The following SDK1 variants were observed in gnomAD, a reference collection of about 807,000 sequenced individuals.
The protein encoded by SDK1 is sidekick cell adhesion molecule 1, also known as protein sidekick-1.
A neutral mutation model predicts 245.5 loss-of-function variants in SDK1; 157 were observed. The observed-to-expected ratio is 0.64, with a 90% CI of 0.56 to 0.73. The LOEUF (loss-of-function observed/expected upper bound fraction) is 0.73. Among genes scored for constraint, SDK1 ranks in the 30% least tolerant of loss-of-function variants. SDK1 has a pLI of 0.00. For missense variants in SDK1, 3,583 were observed against 3,002.3 expected, an observed-to-expected ratio of 1.19 and a Z score of -4.52; for synonymous variants, 1,647 against 1,278.5, an observed-to-expected ratio of 1.29 and a Z score of -6.15.
intron 4 of SDK1, among the ~76,000 whole-genome samples, chr7:3,714,963 T>A (rs1434356020): frequency 6.6e-6 from 1 of 152,192 alleles, no homozygotes; most frequent in Non-Finnish European, 1.5e-5. Flanking sequence ...ATATTTTAAG[T>A]TGTGATTCAA....
intron 1 of SDK1, among the ~76,000 whole-genome samples, chr7:3,479,488 T>G (rs7804059): frequency 3.4e-5 from 5 of 149,224 alleles, no homozygotes; most frequent in Non-Finnish European, 7.4e-5. Context: ...TCTAAAAATA[T>G]CTGTTAATCA....
intron 2 of SDK1, among the ~76,000 whole-genome samples, chr7:3,625,174 TA>T (rs888165850): frequency 6.6e-6 from 1 of 151,904 alleles, no homozygotes; most frequent in African/African-American, 2.4e-5. Flanking sequence ...CAATTAAATA[TA>T]AAAAAATGGA....
At chr7:3,487,165 C>T (rs921838673) in intron 1 of SDK1, among the ~76,000 whole-genome samples, 16 of 152,166 alleles carry the variant, frequency 1.1e-4, no homozygotes, top group Admixed American at 9.8e-4. Context: ...GCCCACTGGT[C>T]TTAGTGTGCC....
intron 5 of SDK1, among the ~76,000 whole-genome samples, chr7:3,928,893 G>C (rs985276382): frequency 6.6e-6 from 1 of 152,228 alleles, no homozygotes; most frequent in African/African-American, 2.4e-5. Context: ...TCATGCCCAG[G>C]TGGGGAAACC....
intron 22 of SDK1, among the ~76,000 whole-genome samples, chr7:4,089,558 C>G (rs1781658356): frequency 6.6e-6 from 1 of 152,158 alleles, no homozygotes; most frequent in Non-Finnish European, 1.5e-5. Context: ...GTGGGCTTGC[C>G]CCTTCCCCAG....
chr7:3,868,972 AT>A (rs1780889492), intron 5 of SDK1, among the ~76,000 whole-genome samples: 1 of 152,184 alleles, frequency 6.6e-6, no homozygotes, highest in South Asian at 2.1e-4. Context: ...GAAGGCAGTA[AT>A]ACAAAAGGGA....
intron 4 of SDK1, among the ~76,000 whole-genome samples, chr7:3,645,312 A>G (rs1782794177): frequency 6.6e-6 from 1 of 152,216 alleles, no homozygotes; most frequent in Non-Finnish European, 1.5e-5. Flanking sequence ...ATAATGCAGT[A>G]TACCATTTTT....
chr7:4,024,752 C>G (rs867770886), intron 17 of SDK1, among the ~76,000 whole-genome samples: 2 of 152,180 alleles, frequency 1.3e-5, no homozygotes, highest in African/African-American at 4.8e-5. Flanking sequence ...TGAGAAATGC[C>G]GGAGCCGAAA....
chr7:3,540,489 C>T (rs2091747), intron 1 of SDK1, among the ~76,000 whole-genome samples: 3,855 of 152,230 alleles, frequency 0.025, 136 homozygotes, highest in African/African-American at 0.08. Flanking sequence ...TTCAACAAGA[C>T]TGAAAAGGCG....
At chr7:3,647,763 T>C (rs947956014) in intron 4 of SDK1, among the ~76,000 whole-genome samples, 11 of 152,124 alleles carry the variant, frequency 7.2e-5, no homozygotes, top group African/African-American at 2.7e-4. Context: ...GTTTTTGTTT[T>C]TCTACCTACA....
At chr7:4,066,367 G>T (rs1779899257) in intron 19 of SDK1, among the ~76,000 whole-genome samples, 1 of 152,188 alleles carries the variant, frequency 6.6e-6, no homozygotes, top group South Asian at 2.1e-4. Flanking sequence ...GGCACTTTCA[G>T]GCACCGCACA....
chr7:3,790,144 A>G (rs1236922112), intron 4 of SDK1, among the ~76,000 whole-genome samples: 1 of 152,132 alleles, frequency 6.6e-6, no homozygotes, highest in Non-Finnish European at 1.5e-5. Flanking sequence ...TGGTGGGGCC[A>G]CTATCCTATT....
At chr7:3,753,005 G>A (rs1204635273) in intron 4 of SDK1, among the ~76,000 whole-genome samples, 1 of 152,054 alleles carries the variant, frequency 6.6e-6, no homozygotes, top group East Asian at 1.9e-4. Context: ...AAGATAAAGG[G>A]TAGCCCACGT....
At chr7:3,830,770 T>G (rs1028140417) in intron 5 of SDK1, among the ~76,000 whole-genome samples, 1 of 152,206 alleles carries the variant, frequency 6.6e-6, no homozygotes, top group African/African-American at 2.4e-5. Context: ...GTGCTGGGAT[T>G]ACAAGAGTGA....
At chr7:4,166,703 G>A (rs761912476) in intron 32 of SDK1, among the ~76,000 whole-genome samples, 1 of 152,220 alleles carries the variant, frequency 6.6e-6, no homozygotes, top group East Asian at 1.9e-4. Context: ...CCGGCCCGGG[G>A]GACCACGGTG....
intron 1 of SDK1, among the ~76,000 whole-genome samples, chr7:3,492,019 T>C (rs1781878016): frequency 1.3e-5 from 2 of 152,228 alleles, no homozygotes; most frequent in East Asian, 1.9e-4. Context: ...CCAATTTACA[T>C]TGACTTCCTG....
intron 1 of SDK1, among the ~76,000 whole-genome samples, chr7:3,456,112 T>C (rs911082122): frequency 1.4e-4 from 21 of 152,232 alleles, no homozygotes; most frequent in African/African-American, 4.8e-4. Flanking sequence ...TGAATTGTTA[T>C]TCCTCTATAA....
chr7:3,855,762 C>G (rs1780530829), intron 5 of SDK1, among the ~76,000 whole-genome samples: 1 of 152,142 alleles, frequency 6.6e-6, no homozygotes, highest in South Asian at 2.1e-4. Context: ...ACACAATATA[C>G]TAAAAGATCC....
intron 1 of SDK1, among the ~76,000 whole-genome samples, chr7:3,537,977 C>T (rs1193041906): frequency 6.6e-6 from 1 of 152,152 alleles, no homozygotes; most frequent in Non-Finnish European, 1.5e-5. Context: ...GGGCAGTCAC[C>T]TAGTTTGCAT....
Sources: gnomAD v4.1 joint callset for allele counts (sites outside exome capture counted in the v4.1 genomes callset) on GRCh38, gnomAD v4.1.1 for gene constraint, MANE v1.5 for transcripts, NCBI Gene and HGNC (gene_info 2026-07-23, HGNC 2026-07-21) for gene names.